The following HPSE2 variants were observed in gnomAD, a reference collection of about 807,000 sequenced individuals.
HPSE2 encodes inactive heparanase-2.
Under a neutral mutation model 60.5 loss-of-function variants are expected in HPSE2, and 38 were observed. That is an observed-to-expected ratio of 0.63 (90% CI 0.48 to 0.82). The LOEUF is 0.82. HPSE2 is among the 40% of genes least tolerant of loss of function. The pLI, the probability that HPSE2 is intolerant of heterozygous loss-of-function variation, is 0.00. For missense variants in HPSE2, 713 were observed against 740.4 expected (o/e 0.96, Z 0.43); for synonymous variants, 295 against 293.2 (o/e 1.01, Z -0.06).
chr10:98,853,091 C>T (rs1952222326), intron 3 of HPSE2, among the ~76,000 whole-genome samples: 1 of 152,152 alleles, frequency 6.6e-6, no homozygotes, highest in Non-Finnish European at 1.5e-5. Context: ...TTGCAAATGT[C>T]ACAGAGACAT....
intron 6 of HPSE2, among the ~76,000 whole-genome samples, chr10:98,651,412 T>TA (rs1476557140): frequency 2.0e-5 from 3 of 152,230 alleles, no homozygotes; most frequent in African/African-American, 7.2e-5. Context: ...TTGAAACTGA[T>TA]AGATGACTCA....
the HPSE2 span, among the ~76,000 whole-genome samples, chr10:99,265,805 T>C: frequency 4.6e-5 from 7 of 152,142 alleles, no homozygotes; most frequent in African/African-American, 1.7e-4. Flanking sequence ...GACAAAAAAC[T>C]GTGAGTGCCC....
chr10:98,835,157 C>T (rs962697589), intron 3 of HPSE2, among the ~76,000 whole-genome samples: 7 of 151,926 alleles, frequency 4.6e-5, no homozygotes, highest in South Asian at 2.1e-4. Flanking sequence ...TGACTGTGTC[C>T]CTGAAGCTGG....
chr10:99,244,105 T>C, the HPSE2 span, among the ~76,000 whole-genome samples: 5 of 151,854 alleles, frequency 3.3e-5, no homozygotes, highest in African/African-American at 4.8e-5. Flanking sequence ...GGGACTGCAG[T>C]GGTGCTATCT....
At chr10:99,227,802 T>A (rs1445217682) in intron 2 of HPSE2, among the ~76,000 whole-genome samples, 1 of 148,582 alleles carries the variant, frequency 6.7e-6, no homozygotes, top group South Asian at 2.1e-4. Context: ...AAAGGTAAAA[T>A]ATATATATAT....
At position 98,878,863 on chromosome 10, in the gene HPSE2, A is replaced by G. The variant is rs575505032; in HGVS notation, c.611-134807T>C. ...AGGAAGCTAATGCAAATGCCCCAAT[A>G]AACGATTATAGAGACTGGATTACAG... is the stretch of plus-strand genomic sequence containing the variant. On this transcript the variant is annotated intron_variant, in intron 3 of 11. Coordinates refer to ENST00000370552, the MANE Select transcript of HPSE2 (RefSeq NM_021828.5). Among the ~76,000 whole-genome samples, 21 of 152,062 alleles carry G rather than the reference A, an allele frequency of 1.4e-4. No homozygotes were observed. In the South Asian group the frequency reaches 4.1e-3, roughly 30 times the overall value.
chr10:98,542,873 G>T (rs1187874488), intron 9 of HPSE2, among the ~76,000 whole-genome samples: 1 of 152,176 alleles, frequency 6.6e-6, no homozygotes, highest in African/African-American at 2.4e-5. Flanking sequence ...GAAAGTGACG[G>T]GGAGAATGGA....
intron 3 of HPSE2, among the ~76,000 whole-genome samples, chr10:99,119,077 A>C (rs186806432): frequency 8.3e-6 from 1 of 120,716 alleles, no homozygotes; most frequent in Non-Finnish European, 1.8e-5. Flanking sequence ...GAAAGAAAGA[A>C]AGAGAAAGAA....
At chr10:98,606,825 A>G (rs1295715397) in intron 9 of HPSE2, among the ~76,000 whole-genome samples, 1 of 152,192 alleles carries the variant, frequency 6.6e-6, no homozygotes, top group Non-Finnish European at 1.5e-5. Flanking sequence ...GCACAAAACC[A>G]TAATTGAGTT....
intron 5 of HPSE2, 89 bp downstream of exon 5, chr10:98,721,568 A>G: frequency 7.7e-7 from 1 of 1,298,094 alleles, no homozygotes; most frequent in Non-Finnish European, 1.1e-6. Context: ...AAAATAAATA[A>G]ATAAATAAAT....
rs188927041 is a variant in HPSE2, at chr10:98,478,588, C to T, written c.1613+4048G>A. On this transcript the variant is annotated intron_variant, in intron 11 of 11. Coordinates refer to ENST00000370552, the MANE Select transcript of HPSE2 (RefSeq NM_021828.5). ...TCAGACCAGGCAAGCCTTTGGAAAA[C>T]GAGCTCATTTTGAAGTGAAATCTAT... 7.2e-4 allele frequency among the ~76,000 whole-genome samples: 110 copies of T among 152,310 alleles called. 1 individual carries two copies. The highest frequency in any genetic ancestry group is 2.3e-3 in the African/African-American group (96 of 41,568).
chr10:98,611,095 G>C (rs373235416), intron 9 of HPSE2, among the ~76,000 whole-genome samples: 1 of 152,204 alleles, frequency 6.6e-6, no homozygotes, highest in Admixed American at 6.5e-5. Flanking sequence ...CAGTGTTGGG[G>C]GGGGCCAGGG....
At chr10:99,308,433 G>A in the HPSE2 span, among the ~76,000 whole-genome samples, 4 of 118,330 alleles carry the variant, frequency 3.4e-5, no homozygotes, top group East Asian at 7.3e-4. Context: ...AATGAAATAA[G>A]CAAACTGTGG....
chr10:99,065,626 G>A (rs1483141871), intron 3 of HPSE2, among the ~76,000 whole-genome samples: 2 of 152,134 alleles, frequency 1.3e-5, no homozygotes, highest in African/African-American at 4.8e-5. Flanking sequence ...CTATGATAGA[G>A]TTAAGACAGA....
At chr10:98,695,065 A>G (rs1948176632) in intron 5 of HPSE2, among the ~76,000 whole-genome samples, 1 of 152,212 alleles carries the variant, frequency 6.6e-6, no homozygotes, top group South Asian at 2.1e-4. Context: ...GTTGCTGTGT[A>G]TTGCCTAAAC....
intron 3 of HPSE2, among the ~76,000 whole-genome samples, chr10:99,041,096 A>C (rs1208176431): frequency 6.6e-6 from 1 of 152,156 alleles, no homozygotes; most frequent in Non-Finnish European, 1.5e-5. Context: ...CAAAAAAAAA[A>C]AAAAATTGCA....
chr10:98,739,558 T>C (rs1324196733), intron 4 of HPSE2, among the ~76,000 whole-genome samples: 2 of 152,188 alleles, frequency 1.3e-5, no homozygotes, highest in Admixed American at 6.6e-5. Context: ...AATGCATTAA[T>C]CAAGCTGTGC....
At chr10:99,268,604 C>T in the HPSE2 span, among the ~76,000 whole-genome samples, 1 of 150,252 alleles carries the variant, frequency 6.7e-6, no homozygotes, top group Non-Finnish European at 1.5e-5. Context: ...CGAGATCGGG[C>T]CTCTGCACTC....
intron 9 of HPSE2, among the ~76,000 whole-genome samples, chr10:98,602,438 C>T (rs1261130157): frequency 1.3e-5 from 2 of 152,104 alleles, no homozygotes; most frequent in African/African-American, 2.4e-5. Context: ...TCACACCACT[C>T]AAAACTGAAA....
Sources: allele counts gnomAD v4.1 joint callset (sites outside exome capture counted in the v4.1 genomes callset), GRCh38; gene constraint gnomAD v4.1.1; transcripts MANE v1.5; gene names NCBI Gene and HGNC (gene_info 2026-07-23, HGNC 2026-07-21).